OR6J1: variants seen among roughly 807,000 people sequenced by gnomAD.
The protein encoded by OR6J1 is olfactory receptor 6J1.
For synonymous variants in OR6J1, 109 were observed against 70.0 expected (o/e 1.56, Z -2.78); for missense variants, 304 against 166.8 (o/e 1.82, Z -4.53).
intron 1 of OR6J1, among the ~76,000 whole-genome samples, chr14:22,642,312 AATATATATATATATAT>A (rs71421135): frequency 0.047 from 5,144 of 109,228 alleles, 299 homozygotes; most frequent in Middle Eastern, 0.12. Flanking sequence ...TCAACTTAAG[AATATATATATATATAT>A]ATATATATAT....
chr14:22,640,308 A>AAGG (rs2037635728), intron 1 of OR6J1, among the ~76,000 whole-genome samples: 1 of 20,220 alleles, frequency 4.9e-5, no homozygotes, highest in African/African-American at 1.0e-4. Context: ...GGAGGGGAGG[A>AAGG]GAGGGGAGGA....
intron 1 of OR6J1, among the ~76,000 whole-genome samples, chr14:22,637,636 G>T (rs1296913997): frequency 1.5e-5 from 1 of 65,104 alleles, no homozygotes; most frequent in Non-Finnish European, 3.1e-5. Context: ...AGGGAGGTGG[G>T]GGGGTCAGCC....
Position 22,641,383 on chromosome 14 carries a change from AAGAG to A in OR6J1, c.-28+2711_-28+2714del, listed in dbSNP as rs376146733. On this transcript the variant is annotated intron_variant, in intron 1 of 1. Transcript: ENST00000540461. ...AAAGAAAGGGGGGAGAGAAGAAAGA[AAGAG>A]AGAGAGAGAGAAAGGAAGGATGGAA... Among the ~76,000 whole-genome samples, 151 of 50,022 alleles carry A rather than the reference AAGAG, an allele frequency of 3.0e-3. 6 individuals carry two copies. Among genetic ancestry groups the A allele is most frequent in the Admixed American group, 5.2e-3 (32 of 6,104 alleles). 32.8% of individuals were successfully genotyped at this position (50,022 alleles called of 152,430 possible).
intron 1 of OR6J1, among the ~76,000 whole-genome samples, chr14:22,640,298 GGAGGGGAGGA>G (rs147634012): frequency 0.55 from 53,728 of 97,172 alleles, 17,486 homozygotes; most frequent in East Asian, 0.8. Context: ...AAGGGGGAAG[GGAGGGGAGGA>G]GAGGGGAGGA....
At chr14:22,637,195 G>T in intron 1 of OR6J1, among the ~76,000 whole-genome samples, 1 of 101,824 alleles carries the variant, frequency 9.8e-6, no homozygotes, top group Non-Finnish European at 1.8e-5. Flanking sequence ...CGTCTGAGAA[G>T]TGAGGAGCCC....
In OR6J1 at chr14:22,634,842, A is replaced by C; in HGVS notation, c.-27-4T>G. The C allele has an allele frequency of 1.5e-6, 1 of 648,022 alleles. No individual in the cohort carries two copies. Among genetic ancestry groups the C allele is most frequent in the South Asian group, 1.8e-5 (1 of 56,710 alleles). The allele number at this position is 648,022 out of a possible 1,614,324, so 40.1% of individuals were successfully genotyped here. On this transcript the variant is annotated splice_polypyrimidine_tract_variant and splice_region_variant and intron_variant, in intron 1 of 1. Transcript: ENST00000540461. ...TGGTGGGCCTGGCTCAATTCTCCTA[A>C]CAGAACAAAGGGAGATAACACTTAA...
At chr14:22,641,266 A>AAAGAAAGAAAGAAAGAAAGAAAGG (rs1290848247) in intron 1 of OR6J1, among the ~76,000 whole-genome samples, 5 of 122,782 alleles carry the variant, frequency 4.1e-5, no homozygotes, top group African/African-American at 9.6e-5. Flanking sequence ...AGAAAGAAAG[A>AAAGAAAGAAAGAAAGAAAGAAAGG]AAGGAAGGAA....
intron 1 of OR6J1, among the ~76,000 whole-genome samples, chr14:22,643,738 C>CAT (rs2037667966): frequency 4.5e-5 from 4 of 89,802 alleles, no homozygotes; most frequent in African/African-American, 1.7e-4. Flanking sequence ...CACACACACA[C>CAT]ACACACACAC....
At chr14:22,641,633 T>C (rs1464494192) in intron 1 of OR6J1, among the ~76,000 whole-genome samples, 1 of 151,990 alleles carries the variant, frequency 6.6e-6, no homozygotes, top group East Asian at 1.9e-4. Flanking sequence ...GGATTGAAAA[T>C]GTATATTAGC....
chr14:22,638,752 A>G (rs2037616637), intron 1 of OR6J1, among the ~76,000 whole-genome samples: 1 of 152,226 alleles, frequency 6.6e-6, no homozygotes, highest in South Asian at 2.1e-4. Flanking sequence ...GACAATAACA[A>G]GTGTTGACGA....
intron 1 of OR6J1, among the ~76,000 whole-genome samples, chr14:22,641,168 A>AAGAG (rs1221769057): frequency 1.4e-5 from 2 of 140,222 alleles, no homozygotes; most frequent in East Asian, 4.1e-4. Context: ...TGAAGAAAGA[A>AAGAG]AGAGAGAGAG....
chr14:22,637,867 GT>G (rs1474770220), intron 1 of OR6J1, among the ~76,000 whole-genome samples: 1 of 30,906 alleles, frequency 3.2e-5, no homozygotes, highest in South Asian at 1.2e-3. Flanking sequence ...GGCGGGGGGG[GT>G]GGGGTCGGCC....
rs1305871918 is a variant in OR6J1 at position 22,634,517 on chromosome 14, G to A, written c.295C>T (p.Gln99Ter). ...CCCAAGAAAAAGTAGAAATAGCACT[G>A]GGTGATACATCCGGCAAAGGAGATG... ...KTISFAGCIT[Q>*]CYFYFFLGTV... Residue 99 changes from glutamine (Q) to a stop codon, truncating the protein, a stop_gained, in exon 2 of 2, where the codon CAG becomes TAG. Coordinates refer to ENST00000540461, the MANE Select transcript of OR6J1 (RefSeq NM_001348233.2). LOFTEE classifies it low-confidence loss of function (END_TRUNC). 1.4e-5 allele frequency: 10 copies of A among 703,808 alleles called. No individual in the cohort carries two copies. Among genetic ancestry groups the A allele is most frequent in the Admixed American group, 1.0e-4 (5 of 50,016 alleles). The allele number at this position is 703,808 out of a possible 1,614,324, so 43.6% of individuals were successfully genotyped here.
At position 22,633,824 on chromosome 14, in the gene OR6J1, G is replaced by T; in HGVS notation, c.988C>A (p.Gln330Lys). ...GGTGGAGAAGAGCAAGCCCTTCCTT[G>T]GTGGTCTTTGTTGGAGGATAATCTG... ...RSRLSSNKDH[Q>K]GRACSSPPCV... Residue 330 changes from glutamine to lysine, a missense_variant, in exon 2 of 2, where the codon CAA becomes AAA. Transcript: ENST00000540461. 1 of 701,996 alleles carries T rather than the reference G, an allele frequency of 1.4e-6. No individual in the cohort carries two copies. The highest frequency in any genetic ancestry group is 2.7e-5 in the East Asian group (1 of 37,306). The allele number at this position is 701,996 out of a possible 1,614,324, so 43.5% of individuals were successfully genotyped here. A position where few individuals can be genotyped will look rare whatever the true frequency, so the allele number is the denominator to read the frequency against.
intron 1 of OR6J1, among the ~76,000 whole-genome samples, chr14:22,640,483 G>GTTTTTTT (rs1457341102): frequency 2.3e-5 from 3 of 132,710 alleles, no homozygotes; most frequent in African/African-American, 3.1e-5. Flanking sequence ...CAGTGAGAAT[G>GTTTTTTT]TATTTTTTTT....
rs2139290162 is a variant in OR6J1 at position 22,633,419 on chromosome 14, A to C, written c.*349T>G. On this transcript the variant is annotated 3_prime_UTR_variant, in exon 2 of 2. Coordinates refer to ENST00000540461, the MANE Select transcript of OR6J1 (RefSeq NM_001348233.2). ...ATGGAAAGAAAGAGGGTCCGTGCAGAGAAGTTCAGGAAGGACTTCGTGTCA... is the reference window on the plus strand; with the variant it reads ...ATGGAAAGAAAGAGGGTCCGTGCAGCGAAGTTCAGGAAGGACTTCGTGTCA... The C allele has an allele frequency of 4.6e-6, 1 of 219,468 alleles. No individual in the cohort carries two copies. The highest frequency in any genetic ancestry group is 1.1e-4 in the East Asian group (1 of 9,504). The allele number at this position is 219,468 out of a possible 1,614,324, so 13.6% of individuals were successfully genotyped here.
chr14:22,638,675 TAA>T, intron 1 of OR6J1, among the ~76,000 whole-genome samples: 1 of 32,930 alleles, frequency 3.0e-5, no homozygotes, highest in South Asian at 8.3e-4. Flanking sequence ...AAAAAAAAAA[TAA>T]AAAAAATTAA....
At chr14:22,641,460 AG>A (rs2037651020) in intron 1 of OR6J1, among the ~76,000 whole-genome samples, 1 of 48,676 alleles carries the variant, frequency 2.1e-5, no homozygotes, top group South Asian at 9.4e-4. Flanking sequence ...AAAGAAAGAA[AG>A]AAAGAAAAAG....
rs1311317906 is a variant in OR6J1, at chr14:22,631,314, C to G, written c.*2454G>C. 1 of 152,172 alleles carries G rather than the reference C, an allele frequency of 6.6e-6. No homozygotes were observed. The highest frequency in any genetic ancestry group is 2.4e-5 in the African/African-American group (1 of 41,434). The allele number at this position is 152,172 out of a possible 1,614,324, so 9.4% of individuals were successfully genotyped here. On this transcript the variant is annotated 3_prime_UTR_variant, in exon 2 of 2. Coordinates refer to ENST00000540461, the MANE Select transcript of OR6J1 (RefSeq NM_001348233.2). ...TGGGAGACTGGGGTCTATTTGACCCCTACAGTCTACAGACCATAAAAGACG... is the reference window on the plus strand; with the variant it reads ...TGGGAGACTGGGGTCTATTTGACCCGTACAGTCTACAGACCATAAAAGACG...
Sources: gnomAD v4.1 joint callset for allele counts (sites outside exome capture counted in the v4.1 genomes callset) on GRCh38, gnomAD v4.1.1 for gene constraint, MANE v1.5 for transcripts, NCBI Gene and HGNC (gene_info 2026-07-23, HGNC 2026-07-21) for gene names.